Variants in FGF12 observed in about 807,000 individuals in gnomAD.
FGF12 encodes the protein fibroblast growth factor 12B.
Under a neutral mutation model 23.6 loss-of-function variants are expected in FGF12, and 14 were observed. The observed-to-expected ratio is 0.59, with a 90% CI of 0.39 to 0.93. The LOEUF is 0.93. Among genes scored for constraint, FGF12 ranks in the 40% least tolerant of loss-of-function variants. The probability of loss-of-function intolerance (pLI) is 0.00; values close to 1 mark genes in which losing one functional copy is unlikely to be tolerated. For missense variants in FGF12, 175 were observed against 217.8 expected, an observed-to-expected ratio of 0.80 and a Z score of 1.24; for synonymous variants, 62 against 77.3, an observed-to-expected ratio of 0.80 and a Z score of 1.04.
At chr3:192,385,918 T>C (rs1215624770) in intron 2 of FGF12, among the ~76,000 whole-genome samples, 1 of 152,200 alleles carries the variant, frequency 6.6e-6, no homozygotes, top group Non-Finnish European at 1.5e-5. Context: ...GACGTGGACA[T>C]GCCTGGAGGA....
intron 4 of FGF12, among the ~76,000 whole-genome samples, chr3:192,218,444 C>G (rs1326116391): frequency 6.6e-5 from 10 of 152,028 alleles, no homozygotes; most frequent in Non-Finnish European, 1.5e-5. Flanking sequence ...AAATACTATC[C>G]CTTTGGTGCT....
At chr3:192,347,771 C>T (rs1490930032) in intron 3 of FGF12, among the ~76,000 whole-genome samples, 3 of 152,136 alleles carry the variant, frequency 2.0e-5, no homozygotes, top group Non-Finnish European at 4.4e-5. Context: ...TGCTCAAGTC[C>T]TTCATTTTTT....
chr3:192,525,444 C>T (rs1560139523), intron 2 of FGF12, among the ~76,000 whole-genome samples: 1 of 152,184 alleles, frequency 6.6e-6, no homozygotes, highest in Non-Finnish European at 1.5e-5. Context: ...TATCTCCAAT[C>T]AGAGAGTATT....
chr3:192,638,708 G>A (rs150952985), intron 2 of FGF12, among the ~76,000 whole-genome samples: 58 of 152,314 alleles, frequency 3.8e-4, no homozygotes, highest in Admixed American at 5.9e-4. Flanking sequence ...CACAAGGTAG[G>A]TATTAGTTCT....
intron 2 of FGF12, among the ~76,000 whole-genome samples, chr3:192,627,567 T>A (rs1485562373): frequency 6.6e-6 from 1 of 152,146 alleles, no homozygotes; most frequent in Non-Finnish European, 1.5e-5. Context: ...TTTTCCTCTG[T>A]CCTTGACAAC....
At chr3:192,406,261 A>G (rs1720952239) in intron 2 of FGF12, among the ~76,000 whole-genome samples, 1 of 151,932 alleles carries the variant, frequency 6.6e-6, no homozygotes, top group Non-Finnish European at 1.5e-5. Context: ...GATCAGGATC[A>G]GTTTATGTTA....
chr3:192,309,704 G>A (rs1715837599), intron 4 of FGF12, among the ~76,000 whole-genome samples: 1 of 152,162 alleles, frequency 6.6e-6, no homozygotes, highest in Non-Finnish European at 1.5e-5. Flanking sequence ...AGAGAGACAT[G>A]AGCACTGACT....
At chr3:192,659,205 T>C (rs1015476083) in intron 2 of FGF12, among the ~76,000 whole-genome samples, 23 of 152,186 alleles carry the variant, frequency 1.5e-4, no homozygotes, top group Non-Finnish European at 1.6e-4. Context: ...TAGTGTGACA[T>C]CATAAAAATA....
Position 192,162,464 on chromosome 3 carries a change from G to A in FGF12, c.427+7994C>T, listed in dbSNP as rs148814925. Among the ~76,000 whole-genome samples, 512 of 152,176 alleles carry A rather than the reference G, an allele frequency of 3.4e-3. 1 individual carries two copies. Among genetic ancestry groups the A allele is most frequent in the African/African-American group, 0.011 (439 of 41,538 alleles). On this transcript the variant is annotated intron_variant, in intron 5 of 5. Coordinates refer to ENST00000445105, the MANE Select transcript of FGF12 (RefSeq NM_004113.6). Reference sequence around the variant, plus strand: ...AAAGAGGAAGAATGTGTGGGGAAGAGGTAAGAGGGTTGTATTAAAGACTAC... The same window carrying A: ...AAAGAGGAAGAATGTGTGGGGAAGAAGTAAGAGGGTTGTATTAAAGACTAC...
At chr3:192,547,351 A>C (rs1332872965) in intron 2 of FGF12, among the ~76,000 whole-genome samples, 1 of 152,170 alleles carries the variant, frequency 6.6e-6, no homozygotes, top group Non-Finnish European at 1.5e-5. Flanking sequence ...GTTTGATCAC[A>C]ATAGAATAAT....
intron 2 of FGF12, among the ~76,000 whole-genome samples, chr3:192,661,980 A>G: frequency 6.6e-6 from 1 of 152,216 alleles, no homozygotes; most frequent in East Asian, 1.9e-4. Flanking sequence ...TCACATCAAC[A>G]CATCCCACTC....
intron 2 of FGF12, among the ~76,000 whole-genome samples, chr3:192,434,050 C>T (rs887975087): frequency 4.6e-5 from 7 of 152,164 alleles, no homozygotes; most frequent in Non-Finnish European, 1.0e-4. Context: ...CTGGCAATGA[C>T]GAATCCACCA....
chr3:192,297,904 G>A (rs577455583), intron 4 of FGF12, among the ~76,000 whole-genome samples: 28 of 152,170 alleles, frequency 1.8e-4, no homozygotes, highest in East Asian at 7.7e-4. Flanking sequence ...GTACTCCAAC[G>A]TGTGTGCAGT....
At chr3:192,591,055 A>G (rs977277146) in intron 2 of FGF12, among the ~76,000 whole-genome samples, 4 of 150,334 alleles carry the variant, frequency 2.7e-5, no homozygotes, top group Non-Finnish European at 4.4e-5. Context: ...ACCTCTCTTC[A>G]TTTTCTATTC....
chr3:192,354,816 G>A (rs188892183), intron 3 of FGF12, among the ~76,000 whole-genome samples: 7 of 152,042 alleles, frequency 4.6e-5, no homozygotes, highest in South Asian at 2.1e-4. Context: ...AGCAATTCAC[G>A]TGCCTCAGGC....
At chr3:192,491,423 G>A (rs779871180) in intron 2 of FGF12, among the ~76,000 whole-genome samples, 13 of 152,108 alleles carry the variant, frequency 8.5e-5, no homozygotes, top group Non-Finnish European at 2.9e-5. Context: ...GCATTTTTGA[G>A]TTTTCATAAC....
chr3:192,466,362 G>A lies in FGF12; in HGVS notation c.14-105824C>T, dbSNP rs540659921. On this transcript the variant is annotated intron_variant, in intron 2 of 5. Coordinates refer to ENST00000445105, the MANE Select transcript of FGF12 (RefSeq NM_004113.6). ...ATCACAGAATGTATGCGTGGTCTTCGAGATCCTCAGGAAAGCACTTAAACA... is the reference window on the plus strand; with the variant it reads ...ATCACAGAATGTATGCGTGGTCTTCAAGATCCTCAGGAAAGCACTTAAACA... 7.9e-5 allele frequency among the ~76,000 whole-genome samples: 12 copies of A among 152,082 alleles called. No individual in the cohort carries two copies. The South Asian group carries it at 1.5e-3, about 18-fold the overall frequency.
At chr3:192,326,887 G>C (rs530764280) in intron 4 of FGF12, among the ~76,000 whole-genome samples, 1 of 152,242 alleles carries the variant, frequency 6.6e-6, no homozygotes, top group East Asian at 1.9e-4. Flanking sequence ...TGTTTCCCAG[G>C]CATACTTTTG....
At chr3:192,276,467 T>A (rs1713794967) in intron 4 of FGF12, among the ~76,000 whole-genome samples, 1 of 152,196 alleles carries the variant, frequency 6.6e-6, no homozygotes. Flanking sequence ...AAATTTATGA[T>A]TTCTTATAAA....
Sources: gnomAD v4.1 joint callset for allele counts (sites outside exome capture counted in the v4.1 genomes callset) on GRCh38, gnomAD v4.1.1 for gene constraint, MANE v1.5 for transcripts, NCBI Gene and HGNC (gene_info 2026-07-23, HGNC 2026-07-21) for gene names.